Variants in RBMS1 observed in about 807,000 individuals in gnomAD.
The protein encoded by RBMS1 is RNA binding motif single stranded interacting protein 1.
RBMS1 carries 17 observed loss-of-function variants against 62.3 expected under a neutral mutation model. The observed-to-expected ratio is 0.27, with a 90% CI of 0.19 to 0.41. RBMS1 has a LOEUF of 0.41. Among genes scored for constraint, RBMS1 ranks in the 10% least tolerant of loss-of-function variants. The probability of loss-of-function intolerance (pLI) is 1.00; values close to 1 mark genes in which losing one functional copy is unlikely to be tolerated. For synonymous variants in RBMS1, 172 were observed against 170.0 expected, an observed-to-expected ratio of 1.01 and a Z score of -0.09; for missense variants, 334 against 504.5, an observed-to-expected ratio of 0.66 and a Z score of 3.24.
At chr2:160,439,493 T>G (rs1426190355) in intron 1 of RBMS1, among the ~76,000 whole-genome samples, 24 of 143,158 alleles carry the variant, frequency 1.7e-4, no homozygotes, top group Non-Finnish European at 2.9e-4. Context: ...TTCCCAGATG[T>G]GATGGCGGCC....
chr2:160,346,665 T>C (rs1692195216), intron 2 of RBMS1, among the ~76,000 whole-genome samples: 1 of 152,142 alleles, frequency 6.6e-6, no homozygotes, highest in Non-Finnish European at 1.5e-5. Context: ...ATTCTCTCAA[T>C]GATTAATCCT....
At chr2:160,396,213 G>A (rs962170032) in intron 1 of RBMS1, among the ~76,000 whole-genome samples, 2 of 152,082 alleles carry the variant, frequency 1.3e-5, no homozygotes, top group Admixed American at 6.5e-5. Flanking sequence ...TTAAATGGAC[G>A]TTGGCCATGT....
chr2:160,341,143 G>T (rs986138722), intron 2 of RBMS1, among the ~76,000 whole-genome samples: 16 of 152,114 alleles, frequency 1.1e-4, no homozygotes, highest in Non-Finnish European at 1.6e-4. Flanking sequence ...TGTTGGCTCT[G>T]TAAGTATTAA....
At chr2:160,334,747 C>T (rs1447890588) in intron 2 of RBMS1, among the ~76,000 whole-genome samples, 1 of 152,012 alleles carries the variant, frequency 6.6e-6, no homozygotes, top group Non-Finnish European at 1.5e-5. Context: ...GGAGATGAAA[C>T]AGAAAAAGTT....
chr2:160,353,921 G>A (rs1041770375), intron 2 of RBMS1, among the ~76,000 whole-genome samples: 5 of 152,054 alleles, frequency 3.3e-5, no homozygotes, highest in African/African-American at 1.2e-4. Flanking sequence ...AGAACCCTAC[G>A]TTGCAGATAT....
At position 160,367,581 on chromosome 2, in the gene RBMS1, T is replaced by C. The variant is rs1261917693; in HGVS notation, c.76-190A>G. On this transcript the variant is annotated intron_variant, in intron 1 of 13. Transcript: ENST00000348849. ...CTCTCCTTCAACATAAAATTGATAA[T>C]AGGGTTTACTAAGTAAAAGTTCTCT... 1.6e-5 allele frequency: 17 copies of C among 1,075,946 alleles called. No homozygotes were observed. The East Asian group carries it at 2.5e-4, about 16-fold the overall frequency. 66.6% of individuals were successfully genotyped at this position (1,075,946 alleles called of 1,614,324 possible).
chr2:160,357,326 T>C (rs1045300632), intron 2 of RBMS1, among the ~76,000 whole-genome samples: 1 of 152,118 alleles, frequency 6.6e-6, no homozygotes, highest in African/African-American at 2.4e-5. Context: ...GTGTGCAGTA[T>C]TTGGGCATTA....
chr2:160,286,082 G>A (rs2105936019), intron 7 of RBMS1, among the ~76,000 whole-genome samples: 1 of 151,996 alleles, frequency 6.6e-6, no homozygotes, highest in African/African-American at 2.4e-5. Context: ...CTGCCCTCCA[G>A]CCTGAGCGAC....
intron 10 of RBMS1, 76 bp from the exon 11 acceptor site, chr2:160,278,734 G>A: frequency 1.2e-6 from 1 of 866,998 alleles, no homozygotes; most frequent in Non-Finnish European, 1.8e-6. Context: ...TTTTTACAAA[G>A]GAAATACCTT....
At chr2:160,428,665 T>A (rs1422157142) in intron 1 of RBMS1, among the ~76,000 whole-genome samples, 1 of 152,196 alleles carries the variant, frequency 6.6e-6, no homozygotes, top group Non-Finnish European at 1.5e-5. Flanking sequence ...AGAGCATTTT[T>A]AAAGAATGTC....
At chr2:160,300,135 C>A (rs1193466948) in intron 6 of RBMS1, among the ~76,000 whole-genome samples, 1 of 152,054 alleles carries the variant, frequency 6.6e-6, no homozygotes, top group Non-Finnish European at 1.5e-5. Context: ...AGAGAAGGAT[C>A]CCTTTGTATT....
chr2:160,278,297 A>G (rs1687936563), intron 11 of RBMS1: 2 of 509,762 alleles, frequency 3.9e-6, no homozygotes, highest in South Asian at 4.2e-5. Context: ...ACTAGTCATA[A>G]AAGGCTAGAT....
At chr2:160,455,074 G>C (rs1257320613) in intron 1 of RBMS1, among the ~76,000 whole-genome samples, 1 of 152,112 alleles carries the variant, frequency 6.6e-6, no homozygotes, top group African/African-American at 2.4e-5. Context: ...CTGGTTCCTA[G>C]AATGCCACAT....
intron 4 of RBMS1, among the ~76,000 whole-genome samples, chr2:160,305,666 T>C (rs1689461458): frequency 6.6e-6 from 1 of 152,110 alleles, no homozygotes; most frequent in Admixed American, 6.5e-5. Context: ...GAAAGCTACA[T>C]CTTGAAAAAT....
chr2:160,304,646 T>C (rs1479593457), intron 4 of RBMS1, among the ~76,000 whole-genome samples: 2 of 152,192 alleles, frequency 1.3e-5, no homozygotes, highest in African/African-American at 4.8e-5. Context: ...AGTGTCTTAG[T>C]TTTTTATAAA....
At position 160,354,218 on chromosome 2, in the gene RBMS1, T is replaced by C. The variant is rs147436992; in HGVS notation, c.251+12998A>G. Among the ~76,000 whole-genome samples the C allele has an allele frequency of 2.6e-3, 397 of 152,222 alleles. 1 individual carries two copies. The highest frequency in any genetic ancestry group is 8.8e-3 in the African/African-American group (365 of 41,562). On this transcript the variant is annotated intron_variant, in intron 2 of 13. Coordinates refer to ENST00000348849, the MANE Select transcript of RBMS1 (RefSeq NM_016836.4). The stretch of plus-strand genomic sequence containing the variant: ...CAGACTAGAGATGAAAAAAGTTCAA[T>C]AAACTTTTTAATTAAATAAATGCTC...
chr2:160,350,588 T>C (rs1300455768), intron 2 of RBMS1, among the ~76,000 whole-genome samples: 1 of 152,068 alleles, frequency 6.6e-6, no homozygotes, highest in Non-Finnish European at 1.5e-5. Context: ...AAGAAAGGAA[T>C]GAACAACAAT....
chr2:160,388,690 G>A lies in RBMS1; in HGVS notation c.76-21299C>T, dbSNP rs374067493. 1.4e-4 allele frequency among the ~76,000 whole-genome samples: 22 copies of A among 152,266 alleles called. No individual in the cohort carries two copies. The East Asian group carries it at 2.3e-3, about 16-fold the overall frequency. On this transcript the variant is annotated intron_variant, in intron 1 of 13. Coordinates refer to ENST00000348849, the MANE Select transcript of RBMS1 (RefSeq NM_016836.4). ...TTCTAAAACTGCCTGCTCTCTGCCC[G>A]CACCCTTCAGATCCTCTTTTGTGTC...
chr2:160,437,502 A>C (rs768052909), intron 1 of RBMS1, among the ~76,000 whole-genome samples: 12 of 152,264 alleles, frequency 7.9e-5, no homozygotes, highest in Non-Finnish European at 1.0e-4. Context: ...CAGAATCTTC[A>C]TCTTTCCATC....
Sources: gnomAD v4.1 joint callset for allele counts (sites outside exome capture counted in the v4.1 genomes callset) on GRCh38, gnomAD v4.1.1 for gene constraint, MANE v1.5 for transcripts, NCBI Gene and HGNC (gene_info 2026-07-23, HGNC 2026-07-21) for gene names.